Variants in NWD1 observed in about 807,000 individuals in gnomAD.
NWD1 encodes the protein NACHT and WD repeat domain containing 1.
NWD1 carries 129 observed loss-of-function variants against 135.1 expected under a neutral mutation model. That is an observed-to-expected ratio of 0.96 (90% CI 0.83 to 1.11). The LOEUF (loss-of-function observed/expected upper bound fraction) is 1.11, where lower values mean the gene tolerates loss of function less well. NWD1 is among the 50% of genes least tolerant of loss of function. The probability of loss-of-function intolerance (pLI) is 0.00; values close to 1 mark genes in which losing one functional copy is unlikely to be tolerated. For synonymous variants in NWD1, 773 were observed against 786.0 expected (o/e 0.98, Z 0.28); for missense variants, 1,740 against 1,851.3 (o/e 0.94, Z 1.10).
chr19:16,723,687 T>A (rs1398319361), intron 1 of NWD1, among the ~76,000 whole-genome samples: 1 of 136,214 alleles, frequency 7.3e-6, no homozygotes, highest in Non-Finnish European at 1.5e-5. Context: ...TGTTTTGTTT[T>A]GTTTTGTTTT....
chr19:16,740,498 G>A (rs1398002341), intron 4 of NWD1, among the ~76,000 whole-genome samples: 1 of 151,776 alleles, frequency 6.6e-6, no homozygotes, highest in Admixed American at 6.6e-5. Context: ...ACCACACCTG[G>A]CTAATTTTTT....
chr19:16,781,708 T>G (rs1405620642), intron 12 of NWD1, among the ~76,000 whole-genome samples: 1 of 152,138 alleles, frequency 6.6e-6, no homozygotes, highest in Non-Finnish European at 1.5e-5. Flanking sequence ...ACATACTCCA[T>G]GCTTATTTGT....
At chr19:16,736,897 A>C (rs1011533116) in intron 4 of NWD1, 147 bp downstream of exon 4, 3 of 628,122 alleles carry the variant, frequency 4.8e-6, no homozygotes, top group African/African-American at 3.6e-5. Flanking sequence ...GACATTACTA[A>C]TCAATCACAG....
At chr19:16,759,858 G>T (rs62118249) in intron 7 of NWD1, among the ~76,000 whole-genome samples, 1 of 152,028 alleles carries the variant, frequency 6.6e-6, no homozygotes, top group Admixed American at 6.6e-5. Context: ...GCCAGACGCG[G>T]TGGCACGTGC....
chr19:16,807,492 C>G (rs1219276765), intron 17 of NWD1, 94 bp from the exon 18 acceptor site: 7 of 1,080,016 alleles, frequency 6.5e-6, no homozygotes, highest in South Asian at 3.3e-5. Context: ...GACTCCATCT[C>G]AAAAACAAAA....
chr19:16,795,050 G>A (rs1483172326), intron 15 of NWD1, among the ~76,000 whole-genome samples: 4 of 152,250 alleles, frequency 2.6e-5, no homozygotes, highest in African/African-American at 9.6e-5. Flanking sequence ...CCAAAGTGCT[G>A]GGATTACACA....
chr19:16,780,665 A>G (rs558438466), intron 12 of NWD1, among the ~76,000 whole-genome samples: 1 of 139,632 alleles, frequency 7.2e-6, no homozygotes, highest in African/African-American at 2.7e-5. Flanking sequence ...TCTTTTTCTC[A>G]TTCTTTTTTT....
chr19:16,803,409 G>A (rs564459593), intron 17 of NWD1, among the ~76,000 whole-genome samples: 16 of 151,950 alleles, frequency 1.1e-4, no homozygotes, highest in Admixed American at 9.2e-4. Flanking sequence ...GGGGGGGTGG[G>A]GACACAAATC....
At chr19:16,777,736 A>G (rs1402232853) in intron 11 of NWD1, among the ~76,000 whole-genome samples, 12 of 31,392 alleles carry the variant, frequency 3.8e-4, no homozygotes, top group Non-Finnish European at 4.7e-4. Flanking sequence ...TGGGAGGGAA[A>G]GGAAGGAGAG....
chr19:16,748,284 C>T (rs1444745491), intron 5 of NWD1, among the ~76,000 whole-genome samples: 2 of 151,854 alleles, frequency 1.3e-5, no homozygotes, highest in African/African-American at 2.4e-5. Context: ...ATGTCCAGCC[C>T]GTTGATGGAT....
intron 4 of NWD1, among the ~76,000 whole-genome samples, chr19:16,741,787 T>C (rs1054775305): frequency 3.3e-5 from 5 of 152,134 alleles, no homozygotes; most frequent in Admixed American, 2.0e-4. Flanking sequence ...CTTGGTCTGA[T>C]TCTAGATTGA....
intron 2 of NWD1, 26 bp downstream of exon 2, chr19:16,724,489 A>G (rs562030598): frequency 2.0e-5 from 3 of 152,208 alleles, no homozygotes; most frequent in African/African-American, 7.2e-5. Context: ...CTCTGCCTCC[A>G]GCGGTGGTTT....
At chr19:16,764,386 T>A (rs1969139754) in intron 9 of NWD1, among the ~76,000 whole-genome samples, 1 of 136,270 alleles carries the variant, frequency 7.3e-6, no homozygotes, top group African/African-American at 3.1e-5. Context: ...CATCCATCCA[T>A]CCATCCATCC....
chr19:16,808,002 G>A lies in NWD1; in HGVS notation c.4153G>A (p.Glu1385Lys). ...TGCAACTTCCAAAGCGTTTCCCTTGGAGACCCACAGGAGCCGAGTTGCCTG... is the reference window on the plus strand; with the variant it reads ...TGCAACTTCCAAAGCGTTTCCCTTGAAGACCCACAGGAGCCGAGTTGCCTG... ...ECATSKAFPL[E>K]THRSRVACVE... is the part of the protein sequence containing the mutation. Residue 1385 changes from glutamate to lysine, a missense_variant, in exon 18 of 19, where the codon GAG becomes AAG. Physicochemically the swap from Glu to Lys is moderately conservative, Grantham distance 56. Transcript: ENST00000524140. The A allele has an allele frequency of 6.2e-7, 1 of 1,614,114 alleles. No individual in the cohort carries two copies. The highest frequency in any genetic ancestry group is 2.2e-5 in the East Asian group (1 of 44,884).
Position 16,779,437 on chromosome 19 carries a change from T to C in NWD1, c.2703T>C (p.His901=), listed in dbSNP as rs779900638. 6.2e-7 allele frequency: 1 copy of C among 1,613,544 alleles called. No individual in the cohort carries two copies. Among genetic ancestry groups the C allele is most frequent in the Non-Finnish European group, 8.5e-7 (1 of 1,179,922 alleles). ...CTGTGTGGGACATGGAAGAGCAGCA[T>C]GTGATCCACATGCTAACTGGACACA... The part of the protein sequence containing the change: ...IMAVWDMEEQ[H]VIHMLTGHTG... Residue 901 remains histidine, a synonymous_variant, in exon 12 of 19, where the codon CAT becomes CAC. Transcript: ENST00000524140.
chr19:16,730,911 CTTTTT>C (rs11445714), intron 2 of NWD1, among the ~76,000 whole-genome samples: 1 of 122,884 alleles, frequency 8.1e-6, no homozygotes, highest in South Asian at 2.6e-4. Context: ...TTCTTTCTTT[CTTTTT>C]TTTTTTTTTT....
At chr19:16,786,703 C>A (rs1429077720) in intron 12 of NWD1, among the ~76,000 whole-genome samples, 1 of 152,002 alleles carries the variant, frequency 6.6e-6, no homozygotes, top group Admixed American at 6.6e-5. Context: ...CACACCACCA[C>A]ACCCAGCTAA....
rs1030871190 is a variant in NWD1 at position 16,817,055 on chromosome 19, C to T, written c.*2016C>T. ...GTGGCTCACACCTGTGGTCCCAGCT[C>T]TTTGGAAGGCCGAGGCAGGTGGATC... On this transcript the variant is annotated 3_prime_UTR_variant, in exon 19 of 19. Coordinates refer to ENST00000524140, the MANE Select transcript of NWD1 (RefSeq NM_001007525.5). The T allele has an allele frequency of 6.6e-6, 1 of 152,126 alleles. No individual in the cohort carries two copies. Among genetic ancestry groups the T allele is most frequent in the African/African-American group, 2.4e-5 (1 of 41,414 alleles). 9.4% of individuals were successfully genotyped at this position (152,126 alleles called of 1,614,324 possible). A position where few individuals can be genotyped will look rare whatever the true frequency, so the allele number is the denominator to read the frequency against.
intron 15 of NWD1, among the ~76,000 whole-genome samples, chr19:16,795,702 C>T (rs1241323971): frequency 6.6e-6 from 1 of 152,150 alleles, no homozygotes; most frequent in Admixed American, 6.6e-5. Context: ...CAAATATGAG[C>T]CACCACACCT....
Sources: allele counts gnomAD v4.1 joint callset (sites outside exome capture counted in the v4.1 genomes callset), GRCh38; gene constraint gnomAD v4.1.1; transcripts MANE v1.5; gene names NCBI Gene and HGNC (gene_info 2026-07-23, HGNC 2026-07-21).